ATP8B1: variants seen among roughly 807,000 people sequenced by gnomAD.
ATP8B1 encodes ATPase phospholipid transporting 8B1, also known as phospholipid-transporting ATPase IC.
In ATP8B1, 80 loss-of-function variants were observed where a neutral mutation model predicts 149.9. That is an observed-to-expected ratio of 0.53 (90% CI 0.45 to 0.64). The LOEUF (loss-of-function observed/expected upper bound fraction) is 0.64, where lower values mean the gene tolerates loss of function less well. Ranked by LOEUF, ATP8B1 falls within the 30% of genes least tolerant of loss-of-function variation. The pLI, the probability that ATP8B1 is intolerant of heterozygous loss-of-function variation, is 0.00. For missense variants in ATP8B1, 1,247 were observed against 1,552.6 expected (o/e 0.80, Z 3.31); for synonymous variants, 536 against 562.8 (o/e 0.95, Z 0.67).
chr18:57,765,564 G>A (rs2080203674), intron 1 of ATP8B1, among the ~76,000 whole-genome samples: 1 of 151,918 alleles, frequency 6.6e-6, no homozygotes, highest in Admixed American at 6.6e-5. Flanking sequence ...AGCTACTTAG[G>A]AGGTTAAGGC....
chr18:57,775,366 A>G (rs867926236), intron 1 of ATP8B1, among the ~76,000 whole-genome samples: 2 of 151,788 alleles, frequency 1.3e-5, no homozygotes, highest in Non-Finnish European at 2.9e-5. Flanking sequence ...GACGAAAGAA[A>G]GAAAAAGAAA....
At chr18:57,699,069 A>G (rs1912978803) in intron 6 of ATP8B1, among the ~76,000 whole-genome samples, 1 of 152,212 alleles carries the variant, frequency 6.6e-6, no homozygotes. Context: ...CTCAGGGATC[A>G]GTAATGAGTT....
chr18:57,718,122 A>T (rs1354443093), intron 2 of ATP8B1, among the ~76,000 whole-genome samples: 1 of 150,608 alleles, frequency 6.6e-6, no homozygotes, highest in Admixed American at 6.6e-5. Context: ...AAAAAAAAAA[A>T]AAAAGCAAAA....
At chr18:57,720,639 TG>T (rs1417328575) in intron 2 of ATP8B1, among the ~76,000 whole-genome samples, 28 of 114,318 alleles carry the variant, frequency 2.4e-4, no homozygotes, top group Middle Eastern at 8.4e-3. Context: ...CTGAAAGTGA[TG>T]GGGAGAATGG....
chr18:57,661,439 C>A lies in ATP8B1; in HGVS notation c.2442G>T (p.Lys814Asn), dbSNP rs34018300. 5.8e-4 allele frequency: 929 copies of A among 1,613,410 alleles called. 6 individuals carry two copies. The African/African-American group carries it at 0.01, about 18-fold the overall frequency. The change falls in exon 22 of 28, where the codon AAG becomes AAT. Residue 814 changes from lysine (K) to asparagine (N), a missense_variant. Around this residue, in one of 3 missense-constraint regions of ATP8B1, gnomAD observed 853 missense variants for 1,035.7 expected, o/e 0.82. Transcript: ENST00000648908. Reference protein sequence around the residue: ...SWLNEILLEKKTKRNKILKLK... With the variant: ...SWLNEILLEKNTKRNKILKLK... ...GCTTCAGAATCTTATTTCTCTTGGTCTTTTTCTCGAGAAGAATTTCATTCT... is the reference window on the plus strand; with the variant it reads ...GCTTCAGAATCTTATTTCTCTTGGTATTTTTCTCGAGAAGAATTTCATTCT...
intron 2 of ATP8B1, among the ~76,000 whole-genome samples, chr18:57,714,463 C>T (rs974891977): frequency 1.3e-5 from 2 of 151,946 alleles, no homozygotes; most frequent in African/African-American, 4.8e-5. Flanking sequence ...CAGTGTGGTG[C>T]CAGCTTCATG....
Position 57,682,482 on chromosome 18 carries a change from G to A in ATP8B1, c.1630+1554C>T, listed in dbSNP as rs138983581. On this transcript the variant is annotated intron_variant, in intron 15 of 27. Transcript: ENST00000648908. ...ACAGGATGAATTTACATTTGCCTAA[G>A]TTGGCCAGTTAGCCCTTAAAATCCT... Among the ~76,000 whole-genome samples, 5 of 152,342 alleles carry A rather than the reference G, an allele frequency of 3.3e-5. No homozygotes were observed. In the East Asian group the frequency reaches 7.7e-4, roughly 24 times the overall value.
chr18:57,669,157 T>A (rs1310468924), intron 18 of ATP8B1, 161 bp downstream of exon 18: 18 of 706,192 alleles, frequency 2.5e-5, no homozygotes, highest in Non-Finnish European at 3.9e-5. Flanking sequence ...TCTGCTCCTA[T>A]TTTGGTGAAT....
intron 1 of ATP8B1, among the ~76,000 whole-genome samples, chr18:57,747,998 G>A (rs2079979951): frequency 6.6e-6 from 1 of 152,192 alleles, no homozygotes; most frequent in Non-Finnish European, 1.5e-5. Context: ...CCTACCAACA[G>A]TCAGCAATTC....
intron 1 of ATP8B1, among the ~76,000 whole-genome samples, chr18:57,744,714 C>T (rs944218771): frequency 6.6e-6 from 1 of 152,214 alleles, no homozygotes; most frequent in Non-Finnish European, 1.5e-5. Context: ...TAATTGACAG[C>T]TACCTGGAAG....
intron 26 of ATP8B1, among the ~76,000 whole-genome samples, chr18:57,650,842 T>C (rs1279825841): frequency 6.6e-6 from 1 of 151,562 alleles, no homozygotes; most frequent in African/African-American, 2.4e-5. Flanking sequence ...GTCTCAAAAA[T>C]AAAAAATAAA....
chr18:57,655,557 A>G, intron 22 of ATP8B1, 140 bp from the exon 23 acceptor site: 1 of 786,904 alleles, frequency 1.3e-6, no homozygotes, highest in Non-Finnish European at 2.1e-6. Flanking sequence ...CTTGCTCACC[A>G]TCCCTCACCC....
intron 2 of ATP8B1, among the ~76,000 whole-genome samples, chr18:57,727,806 AAAC>A (rs1318640219): frequency 1.6e-4 from 25 of 151,962 alleles, no homozygotes; most frequent in Middle Eastern, 3.4e-3. Flanking sequence ...ACAAACAAAC[AAAC>A]AACAAGAAAA....
At chr18:57,764,756 T>TAAAAA (rs1568061359) in intron 1 of ATP8B1, among the ~76,000 whole-genome samples, 1 of 66,440 alleles carries the variant, frequency 1.5e-5, no homozygotes. Context: ...CTTTCAGTTG[T>TAAAAA]CAAAAAAAAA....
chr18:57,652,365 T>G lies in ATP8B1; in HGVS notation c.3261+119A>C, dbSNP rs1909677568. On this transcript the variant is annotated intron_variant, in intron 25 of 27. Transcript: ENST00000648908. ...TTGGTATAAGAGATGAAAATAGCATTTATATTTTGTAAGTGGCACAGGTGC... is the reference window on the plus strand; with the variant it reads ...TTGGTATAAGAGATGAAAATAGCATGTATATTTTGTAAGTGGCACAGGTGC... 2.0e-6 allele frequency: 3 copies of G among 1,500,080 alleles called. No individual in the cohort carries two copies. In the South Asian group the frequency reaches 3.5e-5, roughly 17 times the overall value. The allele number at this position is 1,500,080 out of a possible 1,614,324, so 92.9% of individuals were successfully genotyped here. A position where few individuals can be genotyped will look rare whatever the true frequency, so the allele number is the denominator to read the frequency against.
chr18:57,801,053 AAAAAC>A (rs1007796280), intron 1 of ATP8B1, among the ~76,000 whole-genome samples: 1 of 152,208 alleles, frequency 6.6e-6, no homozygotes, highest in African/African-American at 2.4e-5. Context: ...CTATTGAACA[AAAAAC>A]AAAACAAAAC....
In ATP8B1 at chr18:57,648,644, C is replaced by T. The variant is rs1194031769; in HGVS notation, c.3600G>A (p.Arg1200=). 4.4e-6 allele frequency: 7 copies of T among 1,594,338 alleles called. No individual in the cohort carries two copies. Among genetic ancestry groups the T allele is most frequent in the Non-Finnish European group, 6.0e-6 (7 of 1,171,886 alleles). Residue 1200 remains arginine, a synonymous_variant, in exon 28 of 28, where the codon CGG becomes CGA. Coordinates refer to ENST00000648908, the MANE Select transcript of ATP8B1 (RefSeq NM_001374385.1). ...AGGCCGAGCGCCGCGTTGACACGCC[C>T]CGGCGGAACACCTGCTGCCGTCGCT... The part of the protein sequence containing the change: ...QWQRRQQVFR[R]GVSTRRSAYA...
At chr18:57,663,245 T>A (rs568870888) in intron 20 of ATP8B1, among the ~76,000 whole-genome samples, 1 of 152,278 alleles carries the variant, frequency 6.6e-6, no homozygotes, top group African/African-American at 2.4e-5. Context: ...GGTTCATCTA[T>A]ATAATATATG....
At chr18:57,727,168 GC>G (rs2123108372) in intron 2 of ATP8B1, among the ~76,000 whole-genome samples, 1 of 152,252 alleles carries the variant, frequency 6.6e-6, no homozygotes, top group East Asian at 1.9e-4. Flanking sequence ...ATCACTCAGT[GC>G]AGGAATACCC....
Sources: allele counts gnomAD v4.1 joint callset (sites outside exome capture counted in the v4.1 genomes callset), GRCh38; gene constraint gnomAD v4.1.1; regional missense constraint gnomAD v4.1.1; transcripts MANE v1.5; gene names NCBI Gene and HGNC (gene_info 2026-07-23, HGNC 2026-07-21).